SLC6A2: variants seen among roughly 807,000 people sequenced by gnomAD.
The protein encoded by SLC6A2 is solute carrier family 6 member 2.
In SLC6A2, 26 loss-of-function variants were observed where a neutral mutation model predicts 71.7. That is an observed-to-expected ratio of 0.36 (90% CI 0.27 to 0.50). SLC6A2 has a LOEUF of 0.50. Among genes scored for constraint, SLC6A2 ranks in the 20% least tolerant of loss-of-function variants. The pLI, the probability that SLC6A2 is intolerant of heterozygous loss-of-function variation, is 0.96. For synonymous variants in SLC6A2, 363 were observed against 337.9 expected (o/e 1.07, Z -0.82); for missense variants, 581 against 803.9 (o/e 0.72, Z 3.35).
intron 4 of SLC6A2, among the ~76,000 whole-genome samples, chr16:55,674,556 C>G (rs1390176602): frequency 2.0e-5 from 3 of 151,942 alleles, no homozygotes. Flanking sequence ...TCCTGAGTAG[C>G]TGGGATTACA....
chr16:55,657,078 A>C (rs889908046), intron 2 of SLC6A2, 110 bp downstream of exon 2: 1 of 1,225,656 alleles, frequency 8.2e-7, no homozygotes, highest in African/African-American at 1.5e-5. Context: ...AGACAGGGGC[A>C]AATCTGGGGC....
intron 6 of SLC6A2, among the ~76,000 whole-genome samples, chr16:55,693,368 T>TAA (rs11473083): frequency 0.11 from 16,370 of 149,570 alleles, 952 homozygotes; most frequent in East Asian, 0.17. Context: ...AGACCCTGCT[T>TAA]AAAAAAAAAA....
intron 9 of SLC6A2, 94 bp from the exon 10 acceptor site, chr16:55,697,803 C>T (rs1965845099): frequency 7.2e-7 from 1 of 1,397,872 alleles, no homozygotes; most frequent in South Asian, 1.2e-5. Flanking sequence ...TACATGAGTC[C>T]TGGGCTGCAG....
At chr16:55,668,728 C>T (rs1431739350) in intron 2 of SLC6A2, among the ~76,000 whole-genome samples, 2 of 152,218 alleles carry the variant, frequency 1.3e-5, no homozygotes, top group Non-Finnish European at 2.9e-5. Flanking sequence ...CAGGAATTCT[C>T]CCAGGAATTA....
chr16:55,663,136 G>T (rs1268058576), intron 2 of SLC6A2, among the ~76,000 whole-genome samples: 5 of 152,156 alleles, frequency 3.3e-5, no homozygotes, highest in East Asian at 1.9e-4. Context: ...TGATTAATTT[G>T]CTAGAGTGGC....
chr16:55,683,283 T>C (rs1965336687), intron 4 of SLC6A2, among the ~76,000 whole-genome samples: 1 of 152,098 alleles, frequency 6.6e-6, no homozygotes, highest in Non-Finnish European at 1.5e-5. Flanking sequence ...ACCCCAATAT[T>C]CTCAGACCAC....
At position 55,700,110 on chromosome 16, in the gene SLC6A2, C is replaced by CT. The variant is rs759615982; in HGVS notation, c.1591-26dup. 12 of 1,605,572 alleles carry CT rather than the reference C, an allele frequency of 7.5e-6. No homozygotes were observed. In the African/African-American group the frequency reaches 1.6e-4, roughly 21 times the overall value. On this transcript the variant is annotated intron_variant, in intron 12 of 14. Coordinates refer to ENST00000568943, the MANE Select transcript of SLC6A2 (RefSeq NM_001172501.3). ...CTTGTCTCTCTTCTGTCCTGTCTTC[C>CT]TTTCTCTCCCTTCTCTGCCCATCTC...
intron 5 of SLC6A2, among the ~76,000 whole-genome samples, chr16:55,686,145 G>A (rs1255789452): frequency 6.6e-6 from 1 of 152,134 alleles, no homozygotes; most frequent in African/African-American, 2.4e-5. Flanking sequence ...CAATTCTATG[G>A]GTTGATTGGG....
intron 5 of SLC6A2, among the ~76,000 whole-genome samples, chr16:55,687,463 G>A (rs1156708163): frequency 6.6e-6 from 1 of 152,204 alleles, no homozygotes; most frequent in Non-Finnish European, 1.5e-5. Context: ...ACAAAGTCAG[G>A]TGCAGGTAGA....
chr16:55,656,926 AACGT>A lies in SLC6A2; in HGVS notation c.233_236del (p.Asn78SerfsTer17). 1.2e-6 allele frequency: 2 copies of A among 1,613,944 alleles called. No homozygotes were observed. Among genetic ancestry groups the A allele is most frequent in the Non-Finnish European group, 1.7e-6 (2 of 1,179,916 alleles). ...AGTCGGCTTCGCAGTGGACCTGGCC[AACGT>A]GTGGCGCTTCCCCTACCTCTGCTAC... On this transcript the variant is annotated frameshift_variant, in exon 2 of 15. Transcript: ENST00000568943. LOFTEE classifies it high-confidence loss of function. This position sits in a 1 kb window ranked among gnomAD's most constrained non-coding sequence, Gnocchi z 4.5.
chr16:55,663,525 A>G (rs1225573257), intron 2 of SLC6A2, among the ~76,000 whole-genome samples: 2 of 152,186 alleles, frequency 1.3e-5, no homozygotes, highest in African/African-American at 4.8e-5. Context: ...TAGATTCCCT[A>G]GCCTCAGGTA....
chr16:55,682,363 T>C (rs1429990252), intron 4 of SLC6A2, among the ~76,000 whole-genome samples: 2 of 152,210 alleles, frequency 1.3e-5, no homozygotes, highest in African/African-American at 2.4e-5. Flanking sequence ...CCACAAGTGA[T>C]GGGAGGAGTT....
At chr16:55,686,659 A>G (rs1335948624) in intron 5 of SLC6A2, among the ~76,000 whole-genome samples, 1 of 152,182 alleles carries the variant, frequency 6.6e-6, no homozygotes, top group Non-Finnish European at 1.5e-5. Flanking sequence ...CATGCCATTG[A>G]GAGCAAAGAA....
intron 2 of SLC6A2, among the ~76,000 whole-genome samples, chr16:55,661,810 G>A (rs1287621641): frequency 2.6e-5 from 4 of 152,122 alleles, no homozygotes; most frequent in African/African-American, 9.7e-5. Context: ...CGTCCCCAGT[G>A]GACTCTCTCC....
chr16:55,666,848 A>G (rs1455462031), intron 2 of SLC6A2, among the ~76,000 whole-genome samples: 1 of 152,184 alleles, frequency 6.6e-6, no homozygotes, highest in African/African-American at 2.4e-5. Flanking sequence ...GCAGCAGAGT[A>G]TTGAGTCGCT....
At position 55,694,069 on chromosome 16, in the gene SLC6A2, G is replaced by A; in HGVS notation, c.978G>A (p.Leu326=). The A allele has an allele frequency of 1.2e-6, 2 of 1,613,408 alleles. No individual in the cohort carries two copies. The highest frequency in any genetic ancestry group is 1.7e-6 in the Non-Finnish European group (2 of 1,179,350). The part of the protein sequence containing the change: ...FFSLGAGFGV[L]IAFASYNKFD... ...CCTTGGGGGCTGGATTTGGAGTATTGATTGCATTTGCCAGTTACAACAAAT... is the reference window on the plus strand; with the variant it reads ...CCTTGGGGGCTGGATTTGGAGTATTAATTGCATTTGCCAGTTACAACAAAT... The change falls in exon 7 of 15, where the codon TTG becomes TTA. Residue 326 remains leucine, a synonymous_variant. Coordinates refer to ENST00000568943, the MANE Select transcript of SLC6A2 (RefSeq NM_001172501.3).
At chr16:55,674,624 C>A (rs111533407) in intron 4 of SLC6A2, among the ~76,000 whole-genome samples, 1 of 152,028 alleles carries the variant, frequency 6.6e-6, no homozygotes, top group South Asian at 2.1e-4. Context: ...AGGGTTTCAC[C>A]ATGTTGGCTA....
At chr16:55,688,055 G>A (rs1211792254) in intron 5 of SLC6A2, among the ~76,000 whole-genome samples, 1 of 152,354 alleles carries the variant, frequency 6.6e-6, no homozygotes, top group South Asian at 2.1e-4. Flanking sequence ...CACTAAGCAG[G>A]CATGCCACAG....
rs1331919736 is a variant in SLC6A2, at chr16:55,702,831, C to T, written c.*485C>T. ...GGGGTGGTTGGGGAAGGTACATAGA[C>T]CCTCCTCTTGCCCACCCTAGACAGC... On this transcript the variant is annotated 3_prime_UTR_variant, in exon 15 of 15. Transcript: ENST00000568943. 9.9e-7 allele frequency: 1 copy of T among 1,014,152 alleles called. No individual in the cohort carries two copies. 62.8% of individuals were successfully genotyped at this position (1,014,152 alleles called of 1,614,324 possible).
Sources: gnomAD v4.1 joint callset for allele counts (sites outside exome capture counted in the v4.1 genomes callset) on GRCh38, gnomAD v4.1.1 for gene constraint, Gnocchi (gnomAD v3.1) non-coding constraint, MANE v1.5 for transcripts, NCBI Gene and HGNC (gene_info 2026-07-23, HGNC 2026-07-21) for gene names.